The following FDXR variants were observed in gnomAD, a reference collection of about 807,000 sequenced individuals.
FDXR encodes the protein NADPH:adrenodoxin oxidoreductase, mitochondrial.
FDXR carries 38 observed loss-of-function variants against 58.3 expected under a neutral mutation model. The ratio of observed to expected loss-of-function variants is 0.65; its 90% confidence interval spans 0.50 to 0.85. The LOEUF (loss-of-function observed/expected upper bound fraction) is 0.85. Among genes scored for constraint, FDXR ranks in the 40% least tolerant of loss-of-function variants. FDXR has a pLI of 0.00. For missense variants in FDXR, 624 were observed against 671.0 expected (o/e 0.93, Z 0.77); for synonymous variants, 275 against 273.8 (o/e 1.00, Z -0.04).
In FDXR at chr17:74,864,616, C is replaced by A. The variant is rs541796147; in HGVS notation, c.718-52G>T. On this transcript the variant is annotated intron_variant, in intron 7 of 11. Transcript: ENST00000293195. Reference sequence around the variant, plus strand: ...GAGGAGGTCAGGCCCAGAACACAGTCCACCTGAGCCCACCCCAGGGTCCAG... The same window carrying A: ...GAGGAGGTCAGGCCCAGAACACAGTACACCTGAGCCCACCCCAGGGTCCAG... 9.9e-6 allele frequency: 15 copies of A among 1,521,298 alleles called. No individual in the cohort carries two copies. In the South Asian group the frequency reaches 1.0e-4, roughly 10 times the overall value. 94.2% of individuals were successfully genotyped at this position (1,521,298 alleles called of 1,614,324 possible). A position where few individuals can be genotyped will look rare whatever the true frequency, so the allele number is the denominator to read the frequency against.
At chr17:74,870,184 G>C (rs1274862159) in intron 2 of FDXR, 1 of 289,798 alleles carries the variant, frequency 3.5e-6, no homozygotes, top group Non-Finnish European at 7.5e-6. Flanking sequence ...CACAAGGAAA[G>C]CATGTGCACG....
intron 2 of FDXR, chr17:74,868,582 T>A (rs891748168): frequency 6.5e-7 from 1 of 1,535,424 alleles, no homozygotes; most frequent in African/African-American, 1.4e-5. Context: ...CTGCGACAGA[T>A]CCTTCACTCT....
intron 2 of FDXR, among the ~76,000 whole-genome samples, chr17:74,867,308 A>C (rs2038226946): frequency 1.5e-5 from 2 of 137,838 alleles, no homozygotes; most frequent in Admixed American, 7.0e-5. Context: ...CTCTGTCTCA[A>C]AAAAAAAAAA....
Position 74,867,538 on chromosome 17 carries a change from C to T in FDXR, c.178-662G>A, listed in dbSNP as rs138096173. On this transcript the variant is annotated intron_variant, in intron 2 of 11. Transcript: ENST00000293195. ...ACCTGAGGGCCACCCTCTGAATTCA[C>T]AGGTGCCTTAGCTCTAGTGCCCAGG... is the stretch of plus-strand genomic sequence containing the variant. Among the ~76,000 whole-genome samples, 15 of 152,136 alleles carry T rather than the reference C, an allele frequency of 9.9e-5. No homozygotes were observed. In the East Asian group the frequency reaches 2.1e-3, roughly 22 times the overall value.
chr17:74,872,730 C>A lies in FDXR; in HGVS notation c.79+136G>T, dbSNP rs950571341. Reference sequence around the variant, plus strand: ...ATCTCCGCCCACCCCCGTACACCACCGGGATCTCGCCAGCAGGAAGACACC... The same window carrying A: ...ATCTCCGCCCACCCCCGTACACCACAGGGATCTCGCCAGCAGGAAGACACC... On this transcript the variant is annotated intron_variant, in intron 1 of 11. Transcript: ENST00000293195. 3.3e-6 allele frequency: 5 copies of A among 1,520,890 alleles called. No individual in the cohort carries two copies. The East Asian group carries it at 9.8e-5, about 30-fold the overall frequency. 94.2% of individuals were successfully genotyped at this position (1,520,890 alleles called of 1,614,324 possible).
rs1311489089 is a variant in FDXR, at chr17:74,872,729, C to G, written c.79+137G>C. On this transcript the variant is annotated intron_variant, in intron 1 of 11. Transcript: ENST00000293195. Reference sequence around the variant, plus strand: ...GATCTCCGCCCACCCCCGTACACCACCGGGATCTCGCCAGCAGGAAGACAC... The same window carrying G: ...GATCTCCGCCCACCCCCGTACACCAGCGGGATCTCGCCAGCAGGAAGACAC... 8 of 1,521,070 alleles carry G rather than the reference C, an allele frequency of 5.3e-6. No homozygotes were observed. In the South Asian group the frequency reaches 8.5e-5, roughly 16 times the overall value. The allele number at this position is 1,521,070 out of a possible 1,614,324, so 94.2% of individuals were successfully genotyped here.
chr17:74,869,455 G>C (rs372798966), intron 2 of FDXR, among the ~76,000 whole-genome samples: 1 of 152,032 alleles, frequency 6.6e-6, no homozygotes, highest in Non-Finnish European at 1.5e-5. Flanking sequence ...TCTCAGCCTC[G>C]GCTCTCACCT....
Position 74,864,169 on chromosome 17 carries a change from G to A in FDXR, c.981C>T (p.Arg327=), listed in dbSNP as rs1261085533. The A allele has an allele frequency of 9.9e-6, 16 of 1,612,774 alleles. No homozygotes were observed. Among genetic ancestry groups the A allele is most frequent in the African/African-American group, 1.3e-5 (1 of 75,048 alleles). The change falls in exon 9 of 12, where the codon CGC becomes CGT. Residue 327 remains arginine (R), a synonymous_variant. Transcript: ENST00000293195. ...SPDGRRAAGV[R]LAVTRLEGVD... is the part of the protein sequence containing the mutation. ...TCACCTCCAGTCTAGTGACTGCTAG[G>A]CGGACACCTGCTGCCCGCCGCCCAT...
intron 5 of FDXR, 152 bp downstream of exon 5, chr17:74,865,979 C>T: frequency 1.2e-6 from 1 of 827,620 alleles, no homozygotes; most frequent in Non-Finnish European, 1.9e-6. Flanking sequence ...GGACCCAGCT[C>T]TCCCCCGAGG....
rs2038087804 is a variant in FDXR at position 74,864,319 on chromosome 17, C to T, written c.831G>A (p.Thr277=). ...KEVPRPRKRL[T]ELLLRTATEK... ...CTGTGGCCGTTCGAAGCAGCAGTTC[C>T]GTCAGCCGCTTCCTCGGGCGGGGGA... Residue 277 remains threonine (T), a synonymous_variant, in exon 9 of 12, where the codon ACG becomes ACA. Transcript: ENST00000293195. 4.4e-6 allele frequency: 7 copies of T among 1,579,562 alleles called. No individual in the cohort carries two copies. In the South Asian group the frequency reaches 4.5e-5, roughly 10 times the overall value.
At chr17:74,863,003 C>G in intron 11 of FDXR, 56 bp from the exon 12 acceptor site, 1 of 1,603,686 alleles carries the variant, frequency 6.2e-7, no homozygotes, top group East Asian at 2.2e-5. Context: ...CAGAACAGCC[C>G]CCTCCCAAAG....
At chr17:74,872,309 C>T in intron 1 of FDXR, 176 bp from the exon 2 acceptor site, 1 of 1,533,684 alleles carries the variant, frequency 6.5e-7, no homozygotes, top group Non-Finnish European at 8.7e-7. Context: ...CATCTGAACC[C>T]CCAAAGGCTG....
intron 6 of FDXR, 99 bp from the exon 7 acceptor site, chr17:74,865,030 C>G (rs1198763130): frequency 1.3e-6 from 2 of 1,567,854 alleles, no homozygotes; most frequent in Middle Eastern, 1.7e-4. Flanking sequence ...AGAAGGCTGG[C>G]GGCTCAAAAT....
rs747565176 is a variant in FDXR, at chr17:74,864,530, C to G, written c.752G>C (p.Arg251Pro). The change falls in exon 8 of 12, where the codon CGG becomes CCG. Residue 251 changes from arginine to proline, a missense_variant. By Grantham distance (103) the Arg-to-Pro change is moderately radical (BLOSUM62 -2). Transcript: ENST00000293195. ...GAAATCCACAGGATCCAAAATGGGC[C>G]GGGCTCCCGGTAACTGAATCATCTC... ...LREMIQLPGARPILDPVDFLG... is the reference protein window; with the variant it reads ...LREMIQLPGAPPILDPVDFLG... 11 of 1,613,970 alleles carry G rather than the reference C, an allele frequency of 6.8e-6. No homozygotes were observed. The highest frequency in any genetic ancestry group is 9.3e-6 in the Non-Finnish European group (11 of 1,179,992).
At chr17:74,866,353 C>T (rs2144661387) in intron 4 of FDXR, 93 bp downstream of exon 4, 7 of 1,572,256 alleles carry the variant, frequency 4.5e-6, no homozygotes, top group Non-Finnish European at 6.1e-6. Context: ...CAGCAGCTTG[C>T]ATCCTGGCCT....
Position 74,869,980 on chromosome 17 carries a change from G to A in FDXR, c.177+2056C>T, listed in dbSNP as rs1027281924. 1.2e-4 allele frequency: 56 copies of A among 453,568 alleles called. 1 individual carries two copies. The highest frequency in any genetic ancestry group is 9.6e-4 in the African/African-American group (48 of 50,170). The allele number at this position is 453,568 out of a possible 1,614,324, so 28.1% of individuals were successfully genotyped here. On this transcript the variant is annotated intron_variant, in intron 2 of 11. Transcript: ENST00000293195. ...AAGCAAGAGGCACGACACCTGCTTT[G>A]CAGGTTGTCATGAGGATGCTACGAG... is the stretch of plus-strand genomic sequence containing the variant.
chr17:74,870,736 T>A (rs1383323643), intron 2 of FDXR, among the ~76,000 whole-genome samples: 1 of 150,686 alleles, frequency 6.6e-6, no homozygotes, highest in African/African-American at 2.4e-5. Context: ...ACTCCCCACA[T>A]GTGGGAGGCC....
In FDXR at chr17:74,866,874, G is replaced by A. The variant is rs202230578; in HGVS notation, c.180C>T (p.His60=). The A allele has an allele frequency of 1.9e-6, 3 of 1,613,732 alleles. No individual in the cohort carries two copies. The highest frequency in any genetic ancestry group is 2.7e-5 in the African/African-American group (2 of 75,040). Residue 60 remains histidine (H), a splice_region_variant and synonymous_variant, in exon 3 of 12, where the codon CAC becomes CAT. Coordinates refer to ENST00000293195, the MANE Select transcript of FDXR (RefSeq NM_024417.5). ...CGTAGATGTCCACGTGGGCCTGGGG[G>A]TGCTGCTGGGGAACAGGGTGGCAGC... ...GFYTAQHLLK[H]PQAHVDIYEK... is the part of the protein sequence containing the mutation.
At position 74,864,874 on chromosome 17, in the gene FDXR, C is replaced by T. The variant is rs753048793; in HGVS notation, c.667G>A (p.Val223Met). The T allele has an allele frequency of 1.9e-6, 3 of 1,614,078 alleles. No homozygotes were observed. The African/African-American group carries it at 4.0e-5, about 22-fold the overall frequency. ...GVLRQSRVKT[V>M]WLVGRRGPLQ... ...GGTCCACGCCGGCCCACTAGCCACACTGTCTTCACTCGACTCTGCCTCAGT... is the reference window on the plus strand; with the variant it reads ...GGTCCACGCCGGCCCACTAGCCACATTGTCTTCACTCGACTCTGCCTCAGT... Residue 223 changes from valine to methionine, a missense_variant, in exon 7 of 12, where the codon GTG becomes ATG. Val to Met is a conservative substitution (Grantham distance 21). Transcript: ENST00000293195.
Sources: allele counts gnomAD v4.1 joint callset (sites outside exome capture counted in the v4.1 genomes callset), GRCh38; gene constraint gnomAD v4.1.1; transcripts MANE v1.5; gene names NCBI Gene and HGNC (gene_info 2026-07-23, HGNC 2026-07-21).